The following UBR4 variants were observed in gnomAD, a reference collection of about 807,000 sequenced individuals.
The protein encoded by UBR4 is ubiquitin protein ligase E3 component n-recognin 4.
Under a neutral mutation model 575.6 loss-of-function variants are expected in UBR4, and 124 were observed. The ratio of observed to expected loss-of-function variants is 0.22; its 90% confidence interval spans 0.19 to 0.25. The LOEUF is 0.25. Ranked by LOEUF, UBR4 falls within the 10% of genes least tolerant of loss-of-function variation. UBR4 has a pLI of 1.00. For synonymous variants in UBR4, 2,455 were observed against 2,473.7 expected (o/e 0.99, Z 0.22); for missense variants, 4,818 against 6,478.8 (o/e 0.74, Z 8.80).
intron 105 of UBR4, among the ~76,000 whole-genome samples, chr1:19,076,295 C>T (rs1045164468): frequency 7.2e-5 from 11 of 152,222 alleles, no homozygotes; most frequent in Non-Finnish European, 8.8e-5. Context: ...TGACCTAAGA[C>T]GCAGGAGGAA....
At chr1:19,096,332 G>A (rs1221964577) in intron 92 of UBR4, among the ~76,000 whole-genome samples, 191 bp downstream of exon 92, 6 of 152,166 alleles carry the variant, frequency 3.9e-5, no homozygotes, top group Non-Finnish European at 8.8e-5. Context: ...GAAGGGAAGT[G>A]GGCCAGCAGG....
chr1:19,185,345 A>G (rs1177389987), intron 14 of UBR4, 59 bp from the exon 15 acceptor site: 4 of 1,472,872 alleles, frequency 2.7e-6, no homozygotes, highest in Non-Finnish European at 3.6e-6. Context: ...TTTTTGGTGC[A>G]TCTGCTTCCT....
intron 39 of UBR4, among the ~76,000 whole-genome samples, chr1:19,159,872 C>T (rs756675955): frequency 1.3e-4 from 20 of 152,246 alleles, no homozygotes; most frequent in East Asian, 3.9e-4. Context: ...TCCCAAAGTG[C>T]TGGGATTATA....
At position 19,192,267 on chromosome 1, in the gene UBR4, G is replaced by A. The variant is rs2092144952; in HGVS notation, c.1315C>T (p.Leu439=). Residue 439 remains leucine (L), a synonymous_variant, in exon 11 of 106, where the codon CTG becomes TTG. Coordinates refer to ENST00000375254, the MANE Select transcript of UBR4 (RefSeq NM_020765.3). ...ATGTCTCTGACTCGGAGGGCAGCCA[G>A]TGGGTCCTTCTCTTTCCCCTTATCA... The part of the protein sequence containing the change: ...LADKGKEKDP[L]AALRVRDILS... 9 of 1,614,192 alleles carry A rather than the reference G, an allele frequency of 5.6e-6. No homozygotes were observed. In the South Asian group the frequency reaches 9.9e-5, roughly 18 times the overall value.
chr1:19,163,856 G>A, intron 33 of UBR4, 29 bp from the exon 34 acceptor site: 1 of 1,612,594 alleles, frequency 6.2e-7, no homozygotes, highest in Non-Finnish European at 8.5e-7. Flanking sequence ...AGAGGGGAAA[G>A]AGGAGACACA....
intron 81 of UBR4, among the ~76,000 whole-genome samples, chr1:19,108,577 A>G (rs2079493271): frequency 6.6e-6 from 1 of 152,104 alleles, no homozygotes; most frequent in African/African-American, 2.4e-5. Context: ...ATTAATTTGT[A>G]CTGTTTCATC....
At chr1:19,169,786 G>A (rs960771894) in intron 26 of UBR4, among the ~76,000 whole-genome samples, 6 of 152,190 alleles carry the variant, frequency 3.9e-5, no homozygotes, top group African/African-American at 1.2e-4. Context: ...AAGTAAAGAA[G>A]ACAACTGAAA....
Position 19,112,797 on chromosome 1 carries a change from G to A in UBR4, c.11528C>T (p.Ser3843Phe), listed in dbSNP as rs1051853627. Residue 3843 changes from serine (S) to phenylalanine (F), a missense_variant, in exon 78 of 106, where the codon TCC (serine) becomes TTC (phenylalanine). Transcript: ENST00000375254. The stretch of plus-strand genomic sequence containing the variant: ...GAATGTGGGCTGCACGGAGGTCCGG[G>A]ATGATTTAGTGGCTGCTTCCCTCTG... ...LQQREAATKS[S>F]RTSVQPTFTA... 1.2e-6 allele frequency: 2 copies of A among 1,614,192 alleles called. No homozygotes were observed. The highest frequency in any genetic ancestry group is 1.7e-6 in the Non-Finnish European group (2 of 1,180,006).
At chr1:19,173,885 T>C (rs188709668) in intron 22 of UBR4, among the ~76,000 whole-genome samples, 2 of 152,320 alleles carry the variant, frequency 1.3e-5, no homozygotes, top group African/African-American at 4.8e-5. Flanking sequence ...CAACTTTGGC[T>C]CCCCAATAAT....
At chr1:19,190,982 C>G (rs2092029018) in intron 11 of UBR4, among the ~76,000 whole-genome samples, 1 of 152,180 alleles carries the variant, frequency 6.6e-6, no homozygotes, top group South Asian at 2.1e-4. Flanking sequence ...TAATTTTCTA[C>G]CACTCTCCCA....
In UBR4 at chr1:19,092,942, T is replaced by C. The variant is rs773565159; in HGVS notation, c.14112-24A>G. On this transcript the variant is annotated intron_variant, in intron 96 of 105. Transcript: ENST00000375254. ...AACTGCAAAGCAAAGGAAGGCTTAT[T>C]AGCAGGCCAGGGAAGCAAAGGCTAC... The C allele has an allele frequency of 4.4e-6, 7 of 1,605,842 alleles. No individual in the cohort carries two copies. The South Asian group carries it at 4.5e-5, about 10-fold the overall frequency.
intron 60 of UBR4, among the ~76,000 whole-genome samples, chr1:19,132,604 G>GAAAAAAAAAAAAA (rs1557716278): frequency 5.0e-5 from 1 of 19,948 alleles, no homozygotes; most frequent in African/African-American, 3.6e-4. Flanking sequence ...GTAAAAAATG[G>GAAAAAAAAAAAAA]TAAAAAAAAA....
At chr1:19,146,626 G>A (rs1464328468) in intron 52 of UBR4, among the ~76,000 whole-genome samples, 200 bp downstream of exon 52, 1 of 152,190 alleles carries the variant, frequency 6.6e-6, no homozygotes. Context: ...ATAATCGAAA[G>A]TATAAGCACT....
chr1:19,161,964 T>C (rs1571294972), intron 35 of UBR4, 67 bp from the exon 36 acceptor site: 2 of 1,575,556 alleles, frequency 1.3e-6, no homozygotes, highest in Middle Eastern at 1.7e-4. Context: ...CAAAAACACA[T>C]GTGCCTCAAC....
At chr1:19,080,630 C>T (rs1015608126) in intron 103 of UBR4, 1 of 152,248 alleles carries the variant, frequency 6.6e-6, no homozygotes, top group African/African-American at 2.4e-5. Context: ...AACCCAGAGC[C>T]TGCTCCGTAG....
At chr1:19,097,094 G>C (rs1557559597) in intron 91 of UBR4, 99 bp downstream of exon 91, 1 of 924,258 alleles carries the variant, frequency 1.1e-6, no homozygotes, top group Non-Finnish European at 1.6e-6. Context: ...CTGATGCAGA[G>C]GTACAAGAGA....
rs2077224530 is a variant in UBR4, at chr1:19,088,515, A to C, written c.14430+244T>G. ...TTGAGGGCTTAAATAAGTCCTCAAT[A>C]AACTTAATGGCTATTATCACTGGTT... On this transcript the variant is annotated intron_variant, in intron 98 of 105. Transcript: ENST00000375254. This position sits in a 1 kb window ranked among gnomAD's most constrained non-coding sequence, Gnocchi z 4.0. Among the ~76,000 whole-genome samples the C allele has an allele frequency of 6.6e-6, 1 of 152,210 alleles. No homozygotes were observed. Among genetic ancestry groups the C allele is most frequent in the Non-Finnish European group, 1.5e-5 (1 of 68,032 alleles).
chr1:19,087,753 T>C (rs916933333), intron 99 of UBR4, 63 bp downstream of exon 99: 2 of 1,361,762 alleles, frequency 1.5e-6, no homozygotes, highest in African/African-American at 1.4e-5. Context: ...AGGAGGGGGA[T>C]GCTACCTAGA....
At position 19,164,894 on chromosome 1, in the gene UBR4, A is replaced by G. The variant is rs2088060032; in HGVS notation, c.4416T>C (p.Thr1472=). 2 of 1,614,192 alleles carry G rather than the reference A, an allele frequency of 1.2e-6. No individual in the cohort carries two copies. The highest frequency in any genetic ancestry group is 1.7e-6 in the Non-Finnish European group (2 of 1,180,038). ...VRLQAWLTRM[T]TSPPKDSDQL... ...GATCAGAATCTTTTGGGGGCGATGT[A>G]GTCATGCGGGTGAGCCAGGCCTGCA... Residue 1472 remains threonine, a synonymous_variant, in exon 32 of 106, where the codon ACT becomes ACC. Transcript: ENST00000375254.
Sources: allele counts gnomAD v4.1 joint callset (sites outside exome capture counted in the v4.1 genomes callset), GRCh38; gene constraint gnomAD v4.1.1; non-coding constraint Gnocchi (gnomAD v3.1); transcripts MANE v1.5; gene names NCBI Gene and HGNC (gene_info 2026-07-23, HGNC 2026-07-21).